TFAP2D: variants seen among roughly 807,000 people sequenced by gnomAD.
TFAP2D encodes the protein transcription factor AP-2-delta.
TFAP2D carries 9 observed loss-of-function variants against 43.6 expected under a neutral mutation model. That is an observed-to-expected ratio of 0.21 (90% CI 0.12 to 0.36). The LOEUF (loss-of-function observed/expected upper bound fraction) is 0.36, where lower values mean the gene tolerates loss of function less well. Ranked by LOEUF, TFAP2D falls within the 10% of genes least tolerant of loss-of-function variation. The probability of loss-of-function intolerance (pLI) is 1.00; values close to 1 mark genes in which losing one functional copy is unlikely to be tolerated. For synonymous variants in TFAP2D, 256 were observed against 224.9 expected (o/e 1.14, Z -1.24); for missense variants, 513 against 561.4 (o/e 0.91, Z 0.87).
At chr6:50,722,838 A>C (rs1450019351) in intron 3 of TFAP2D, among the ~76,000 whole-genome samples, 3 of 152,104 alleles carry the variant, frequency 2.0e-5, no homozygotes, top group African/African-American at 7.2e-5. Flanking sequence ...ATGGGAGAGG[A>C]AAAAATGAAA....
chr6:50,731,011 T>C (rs1239200759), intron 5 of TFAP2D, among the ~76,000 whole-genome samples: 1 of 152,058 alleles, frequency 6.6e-6, no homozygotes, highest in African/African-American at 2.4e-5. Context: ...ACAAAAACTA[T>C]GTTCACAATT....
At position 50,714,803 on chromosome 6, in the gene TFAP2D, CTGTGTGTGTGTCTG is replaced by C. The variant is rs556025421; in HGVS notation, c.40-296_40-283del. On this transcript the variant is annotated intron_variant, in intron 1 of 7. Coordinates refer to ENST00000008391, the MANE Select transcript of TFAP2D (RefSeq NM_172238.4). ...GCTCCCTGCACAAGTTGGGCAGGGG[CTGTGTGTGTGTCTG>C]TGTGTGTGTGTCTGTGCGTGTGTGT... 4.9e-3 allele frequency among the ~76,000 whole-genome samples: 744 copies of C among 151,890 alleles called. 4 individuals are homozygous for C. The highest frequency in any genetic ancestry group is 7.2e-3 in the Admixed American group (110 of 15,268).
chr6:50,726,900 T>C (rs896959124), intron 3 of TFAP2D, among the ~76,000 whole-genome samples: 9 of 152,184 alleles, frequency 5.9e-5, no homozygotes, highest in Admixed American at 3.9e-4. Context: ...TACAGGAGAA[T>C]TTGTTTTTAG....
intron 7 of TFAP2D, among the ~76,000 whole-genome samples, chr6:50,765,866 T>C (rs1225522095): frequency 6.6e-6 from 1 of 152,162 alleles, no homozygotes; most frequent in Non-Finnish European, 1.5e-5. Flanking sequence ...TGTTTTTCAT[T>C]TGACCTAATC....
chr6:50,713,895 A>T lies in TFAP2D; in HGVS notation c.-161A>T. On this transcript the variant is annotated 5_prime_UTR_variant, in exon 1 of 8. Transcript: ENST00000008391. The stretch of plus-strand genomic sequence containing the variant: ...GTTTTTAAGTGGGTACGAGGCAAGG[A>T]GCTATCTGATCCGGGCAAAACCATT... 2 of 1,065,540 alleles carry T rather than the reference A, an allele frequency of 1.9e-6. No individual in the cohort carries two copies. The highest frequency in any genetic ancestry group is 2.8e-6 in the Non-Finnish European group (2 of 723,580). 66.0% of individuals were successfully genotyped at this position (1,065,540 alleles called of 1,614,324 possible). A position where few individuals can be genotyped will look rare whatever the true frequency, so the allele number is the denominator to read the frequency against.
intron 7 of TFAP2D, among the ~76,000 whole-genome samples, chr6:50,755,442 A>C (rs924895291): frequency 1.1e-4 from 16 of 151,748 alleles, no homozygotes; most frequent in Non-Finnish European, 1.8e-4. Context: ...AAAAAAAAAA[A>C]AAACTCAAGG....
intron 5 of TFAP2D, among the ~76,000 whole-genome samples, chr6:50,739,416 G>T (rs935187974): frequency 6.6e-6 from 1 of 152,058 alleles, no homozygotes; most frequent in Non-Finnish European, 1.5e-5. Context: ...CTTTTTTATG[G>T]CTGCATAGTA....
intron 5 of TFAP2D, among the ~76,000 whole-genome samples, chr6:50,743,929 T>C (rs926623756): frequency 6.6e-6 from 1 of 152,230 alleles, no homozygotes; most frequent in African/African-American, 2.4e-5. Flanking sequence ...ATCATTTTCC[T>C]GGAGACAGGC....
At chr6:50,739,085 A>G (rs984451336) in intron 5 of TFAP2D, among the ~76,000 whole-genome samples, 2 of 152,066 alleles carry the variant, frequency 1.3e-5, no homozygotes, top group Admixed American at 6.5e-5. Flanking sequence ...TTTTTTTTCT[A>G]TGATACTTTA....
chr6:50,771,156 GTTAA>G (rs1249913929), intron 7 of TFAP2D, among the ~76,000 whole-genome samples: 1 of 152,190 alleles, frequency 6.6e-6, no homozygotes, highest in Non-Finnish European at 1.5e-5. Context: ...TTTGTTATTA[GTTAA>G]TTAGTTAGTT....
intron 5 of TFAP2D, among the ~76,000 whole-genome samples, chr6:50,743,632 G>A (rs549065179): frequency 3.7e-4 from 56 of 151,990 alleles, no homozygotes; most frequent in Non-Finnish European, 6.5e-4. Context: ...GGGTTCTCCC[G>A]CTTCTGCCTC....
chr6:50,725,604 A>G (rs546033291), intron 3 of TFAP2D, among the ~76,000 whole-genome samples: 4 of 152,338 alleles, frequency 2.6e-5, no homozygotes, highest in African/African-American at 9.6e-5. Flanking sequence ...GAGGAAGTTC[A>G]AGTAGTAACA....
chr6:50,717,483 C>T (rs1480550957), intron 2 of TFAP2D, among the ~76,000 whole-genome samples: 1 of 152,198 alleles, frequency 6.6e-6, no homozygotes, highest in Admixed American at 6.5e-5. Flanking sequence ...TTATCATCTA[C>T]ATTTCAGATA....
intron 7 of TFAP2D, among the ~76,000 whole-genome samples, chr6:50,753,955 C>T (rs1769231465): frequency 6.6e-6 from 1 of 151,794 alleles, no homozygotes; most frequent in Non-Finnish European, 1.5e-5. Context: ...AGCAAATTTC[C>T]TACTATATCT....
intron 7 of TFAP2D, among the ~76,000 whole-genome samples, chr6:50,765,434 A>C (rs1260270808): frequency 1.3e-5 from 2 of 152,142 alleles, no homozygotes; most frequent in African/African-American, 4.8e-5. Flanking sequence ...TTTTTGAGGA[A>C]CTTTCATAGT....
chr6:50,769,401 C>T (rs145452767), intron 7 of TFAP2D, among the ~76,000 whole-genome samples: 2 of 152,288 alleles, frequency 1.3e-5, no homozygotes, highest in Non-Finnish European at 2.9e-5. Context: ...ACTTGGTACA[C>T]TTGGTTCTCA....
intron 7 of TFAP2D, among the ~76,000 whole-genome samples, chr6:50,759,398 G>T (rs921644272): frequency 5.3e-5 from 8 of 151,896 alleles, no homozygotes; most frequent in African/African-American, 1.9e-4. Context: ...GATCTCTAAG[G>T]TTCTTTTTAG....
intron 2 of TFAP2D, among the ~76,000 whole-genome samples, chr6:50,718,671 A>G (rs1581757343): frequency 6.6e-6 from 1 of 152,156 alleles, no homozygotes; most frequent in African/African-American, 2.4e-5. Flanking sequence ...CATATGAAGT[A>G]GCTCCTCTGT....
chr6:50,754,164 G>A (rs1478223801), intron 7 of TFAP2D, among the ~76,000 whole-genome samples: 3 of 151,702 alleles, frequency 2.0e-5, no homozygotes, highest in Non-Finnish European at 4.4e-5. Flanking sequence ...CTACCATTCT[G>A]TTTTGTGTTT....
Sources: gnomAD v4.1 joint callset for allele counts (sites outside exome capture counted in the v4.1 genomes callset) on GRCh38, gnomAD v4.1.1 for gene constraint, MANE v1.5 for transcripts, NCBI Gene and HGNC (gene_info 2026-07-23, HGNC 2026-07-21) for gene names.